Variants in CENPE observed in about 807,000 individuals in gnomAD.
CENPE encodes the protein centromere-associated protein E.
In CENPE, 145 loss-of-function variants were observed where a neutral mutation model predicts 336.1. The ratio of observed to expected loss-of-function variants is 0.43; its 90% CI spans 0.38 to 0.50. CENPE has a LOEUF of 0.50. Among genes scored for constraint, CENPE ranks in the 20% least tolerant of loss-of-function variants. The pLI is 0.00. For synonymous variants in CENPE, 1,013 were observed against 984.8 expected (o/e 1.03, Z -0.54); for missense variants, 2,719 against 3,023.3 (o/e 0.90, Z 2.36).
Position 103,110,996 on chromosome 4 carries a change from G to A in CENPE, c.7556C>T (p.Thr2519Ile). Residue 2519 changes from threonine (T) to isoleucine (I), a missense_variant, in exon 47 of 49, where the codon ACT becomes ATT. By Grantham distance (89) the Thr-to-Ile change is moderately conservative. Around this residue, in one of 5 missense-constraint regions of CENPE, gnomAD observed 2,437 missense variants for 2,513.3 expected, o/e 0.97. Coordinates refer to ENST00000265148, the MANE Select transcript of CENPE (RefSeq NM_001813.3). ...GGGTTTATTTGAAGGCTGAGGATCA[G>A]TATGTTCTGATATCACTGTGGGAGG... Reference protein sequence around the residue: ...AQDTSVISEHTDPQPSNKPLT... With the variant: ...AQDTSVISEHIDPQPSNKPLT... 6.3e-7 allele frequency: 1 copy of A among 1,596,686 alleles called. No homozygotes were observed. The highest frequency in any genetic ancestry group is 8.5e-7 in the Non-Finnish European group (1 of 1,173,466).
intron 9 of CENPE, among the ~76,000 whole-genome samples, chr4:103,185,247 T>C (rs569846993): frequency 7.6e-4 from 115 of 151,578 alleles, no homozygotes; most frequent in South Asian, 2.3e-3. Flanking sequence ...GGAGGTTGCA[T>C]TGAGCTGAGA....
Position 103,191,724 on chromosome 4 carries a change from A to G in CENPE, c.693+2505T>C, listed in dbSNP as rs1009516763. 3.2e-4 allele frequency among the ~76,000 whole-genome samples: 49 copies of G among 152,244 alleles called. 1 individual carries two copies. The highest frequency in any genetic ancestry group is 2.7e-3 in the South Asian group (13 of 4,830). On this transcript the variant is annotated intron_variant, in intron 8 of 48. Transcript: ENST00000265148. ...ACGAGTTAATGGGTGCAGTATACCA[A>G]CATGGCACATGTATACATATGTAAC...
At chr4:103,126,456 C>T (rs185039041) in intron 42 of CENPE, among the ~76,000 whole-genome samples, 26 of 152,250 alleles carry the variant, frequency 1.7e-4, no homozygotes, top group African/African-American at 6.3e-4. Context: ...CCACACACAC[C>T]TTGCCACTAC....
At position 103,147,419 on chromosome 4, in the gene CENPE, T is replaced by A. The variant is rs372983774; in HGVS notation, c.4071A>T (p.Ile1357=). ...CATGTTTAACTTCAAGGGCTTCTTT[T>A]ATCGTTTTAAGGTTGTCTCTTTCCT... ...LTKERDNLKT[I]KEALEVKHDQ... is the part of the protein sequence containing the mutation. The change falls in exon 29 of 49, where the codon ATA becomes ATT. Residue 1357 remains isoleucine (I), a synonymous_variant. Coordinates refer to ENST00000265148, the MANE Select transcript of CENPE (RefSeq NM_001813.3). The A allele has an allele frequency of 2.5e-6, 4 of 1,613,372 alleles. No homozygotes were observed. Among genetic ancestry groups the A allele is most frequent in the African/African-American group, 2.7e-5 (2 of 74,822 alleles).
At chr4:103,165,520 A>G (rs1754828425) in intron 16 of CENPE, among the ~76,000 whole-genome samples, 1 of 152,188 alleles carries the variant, frequency 6.6e-6, no homozygotes, top group East Asian at 1.9e-4. Flanking sequence ...TTTGACTTTT[A>G]TTCCCTTTTA....
chr4:103,188,487 C>T (rs1403849927), intron 8 of CENPE, among the ~76,000 whole-genome samples: 2 of 152,192 alleles, frequency 1.3e-5, no homozygotes, highest in Non-Finnish European at 2.9e-5. Flanking sequence ...GATTAAGAAA[C>T]TCACTCAAAA....
chr4:103,166,117 G>C (rs932237488), intron 16 of CENPE, among the ~76,000 whole-genome samples: 7 of 151,966 alleles, frequency 4.6e-5, no homozygotes, highest in Non-Finnish European at 7.4e-5. Flanking sequence ...TATCCCAAAC[G>C]TTAGTTTTAT....
chr4:103,162,843 C>T (rs918429211), intron 18 of CENPE, among the ~76,000 whole-genome samples: 12 of 152,118 alleles, frequency 7.9e-5, no homozygotes, highest in African/African-American at 2.9e-4. Flanking sequence ...CAGGGATGAG[C>T]CACTGTGCCC....
At chr4:103,123,657 T>C (rs1279992266) in intron 42 of CENPE, among the ~76,000 whole-genome samples, 2 of 152,164 alleles carry the variant, frequency 1.3e-5, no homozygotes, top group South Asian at 2.1e-4. Context: ...CCTACAATAG[T>C]GTGTGATAAG....
Position 103,108,789 on chromosome 4 carries a change from G to A in CENPE, c.8011+14C>T. On this transcript the variant is annotated intron_variant, in intron 48 of 48. Coordinates refer to ENST00000265148, the MANE Select transcript of CENPE (RefSeq NM_001813.3). ...TTACCCTCTGATTTCCAAGTAACCA[G>A]TATATTTACTTACCTGGACAAAGGC... 1 of 1,607,196 alleles carries A rather than the reference G, an allele frequency of 6.2e-7. No homozygotes were observed. The highest frequency in any genetic ancestry group is 8.5e-7 in the Non-Finnish European group (1 of 1,176,008).
At chr4:103,181,582 T>G in intron 11 of CENPE, 126 bp from the exon 12 acceptor site, 1 of 737,876 alleles carries the variant, frequency 1.4e-6, no homozygotes, top group South Asian at 2.0e-5. Context: ...GGCTTAATAC[T>G]TTTGAACAAA....
chr4:103,120,804 C>T (rs113314017), intron 43 of CENPE, among the ~76,000 whole-genome samples: 3,677 of 151,740 alleles, frequency 0.024, 58 homozygotes, highest in Middle Eastern at 0.048. Context: ...GGCGCAATCT[C>T]GACTCACTGC....
Position 103,159,127 on chromosome 4 carries a change from G to A in CENPE, c.2484C>T (p.Asp828=), listed in dbSNP as rs746429959. Residue 828 remains aspartate (D), a synonymous_variant, in exon 22 of 49, where the codon GAC becomes GAT. Coordinates refer to ENST00000265148, the MANE Select transcript of CENPE (RefSeq NM_001813.3). Reference sequence around the variant, plus strand: ...GGACCATCTTATACTTTTGCTCAAAGTCCATATGAAGGGTTTTGAAATTTT... The same window carrying A: ...GGACCATCTTATACTTTTGCTCAAAATCCATATGAAGGGTTTTGAAATTTT... The part of the protein sequence containing the change: ...EFQNFKTLHM[D]FEQKYKMVLE... The A allele has an allele frequency of 6.2e-7, 1 of 1,607,590 alleles. No homozygotes were observed. Among genetic ancestry groups the A allele is most frequent in the East Asian group, 2.2e-5 (1 of 44,822 alleles).
At chr4:103,106,605 G>T (rs945464297) in intron 48 of CENPE, among the ~76,000 whole-genome samples, 2 of 152,108 alleles carry the variant, frequency 1.3e-5, no homozygotes, top group Non-Finnish European at 2.9e-5. Context: ...ATCAAACACG[G>T]GCTGATTGAG....
intron 42 of CENPE, among the ~76,000 whole-genome samples, chr4:103,129,562 C>T (rs1026210170): frequency 6.6e-6 from 1 of 151,760 alleles, no homozygotes; most frequent in Admixed American, 6.6e-5. Flanking sequence ...CATGGTGAAA[C>T]CCGTCTCTAC....
Position 103,133,689 on chromosome 4 carries a change from T to C in CENPE, c.6720+6A>G, listed in dbSNP as rs1162091006. 3.2e-6 allele frequency: 5 copies of C among 1,547,114 alleles called. No homozygotes were observed. The African/African-American group carries it at 5.5e-5, about 17-fold the overall frequency. On this transcript the variant is annotated splice_donor_region_variant and intron_variant, in intron 41 of 48. Transcript: ENST00000265148. ...TCTAACTAAATCCATTTAAAATAAA[T>C]TATACCTCAATATGTAGATCCATAT...
rs574484807 is a variant in CENPE at position 103,114,795 on chromosome 4, T to G, written c.7443-243A>C. Among the ~76,000 whole-genome samples the G allele has an allele frequency of 4.9e-4, 74 of 152,370 alleles. No individual in the cohort carries two copies. The South Asian group carries it at 0.012, about 25-fold the overall frequency. ...ATTTTCTTATATTGAGAAACCCCAGTTCTTTTAAAGCTTCTGGAGGCCTAA... is the reference window on the plus strand; with the variant it reads ...ATTTTCTTATATTGAGAAACCCCAGGTCTTTTAAAGCTTCTGGAGGCCTAA... On this transcript the variant is annotated intron_variant, in intron 45 of 48. Coordinates refer to ENST00000265148, the MANE Select transcript of CENPE (RefSeq NM_001813.3).
In CENPE at chr4:103,183,295, T is replaced by G. The variant is rs369965464; in HGVS notation, c.746-7A>C. The G allele has an allele frequency of 3.1e-6, 5 of 1,605,238 alleles. No individual in the cohort carries two copies. In the South Asian group the frequency reaches 5.6e-5, roughly 18 times the overall value. The stretch of plus-strand genomic sequence containing the variant: ...CCTTCCTTGAGCCGCACACCTGAAT[T>G]TATTAAACAAATATGAAAACTAAAC... On this transcript the variant is annotated splice_polypyrimidine_tract_variant and splice_region_variant and intron_variant, in intron 9 of 48. Transcript: ENST00000265148.
chr4:103,138,557 ATAT>A, intron 38 of CENPE, 108 bp from the exon 39 acceptor site: 1 of 739,128 alleles, frequency 1.4e-6, no homozygotes, highest in South Asian at 1.6e-5. Flanking sequence ...ATGGAATTAA[ATAT>A]TATACTTGTC....
Sources: gnomAD v4.1 joint callset for allele counts (sites outside exome capture counted in the v4.1 genomes callset) on GRCh38, gnomAD v4.1.1 for gene constraint, gnomAD v4.1.1 regional missense constraint, MANE v1.5 for transcripts, NCBI Gene and HGNC (gene_info 2026-07-23, HGNC 2026-07-21) for gene names.